SYMPK: variants seen among roughly 807,000 people sequenced by gnomAD.
SYMPK encodes the protein symplekin scaffold protein, also known as symplekin.
SYMPK carries 49 observed loss-of-function variants against 136.4 expected under a neutral mutation model. The observed-to-expected ratio is 0.36, with a 90% CI of 0.29 to 0.46. SYMPK has a LOEUF of 0.46. SYMPK is among the 20% of genes least tolerant of loss of function. SYMPK has a pLI of 1.00. For missense variants in SYMPK, 1,365 were observed against 1,690.0 expected (o/e 0.81, Z 3.37); for synonymous variants, 766 against 713.0 (o/e 1.07, Z -1.19).
At chr19:45,816,375 G>T in intron 25 of SYMPK, 107 bp downstream of exon 25, 1 of 1,422,168 alleles carries the variant, frequency 7.0e-7, no homozygotes, top group Non-Finnish European at 9.3e-7. Flanking sequence ...AGAGGCAGGG[G>T]TGGCCTGAGT....
chr19:45,816,096 C>T lies in SYMPK; in HGVS notation c.3442G>A (p.Ala1148Thr). ...TCCTCCTCCAGCTGCCGCTTTAAGGCCTTCTCCTGGGCCAGTCGCAGGCCG... is the reference window on the plus strand; with the variant it reads ...TCCTCCTCCAGCTGCCGCTTTAAGGTCTTCTCCTGGGCCAGTCGCAGGCCG... ...LIGLRLAQEK[A>T]LKRQLEEEQK... Residue 1148 changes from alanine to threonine, a missense_variant, in exon 26 of 27, where the codon GCC becomes ACC. Physicochemically the swap from Ala to Thr is moderately conservative, Grantham distance 58 (BLOSUM62 0). Around this residue, in one of 11 missense-constraint regions of SYMPK, gnomAD observed 341 missense variants for 270.5 expected, o/e 1.26. Coordinates refer to ENST00000245934, the MANE Select transcript of SYMPK (RefSeq NM_004819.3). The T allele has an allele frequency of 1.3e-6, 2 of 1,557,164 alleles. No homozygotes were observed. Among genetic ancestry groups the T allele is most frequent in the Middle Eastern group, 1.7e-4 (1 of 5,816 alleles).
chr19:45,817,743 T>C lies in SYMPK; in HGVS notation c.3081+216A>G, dbSNP rs575993250. On this transcript the variant is annotated intron_variant, in intron 23 of 26. Transcript: ENST00000245934. ...CTCCCGGGTGCACACCCCTTGAGGG[T>C]TACCACAGCTCCTACCACCCAGCTG... Among the ~76,000 whole-genome samples the C allele has an allele frequency of 7.2e-4, 110 of 152,248 alleles. No individual in the cohort carries two copies. In the Middle Eastern group the frequency reaches 0.01, roughly 14 times the overall value.
At chr19:45,852,846 A>G (rs1971729364) in intron 3 of SYMPK, among the ~76,000 whole-genome samples, 1 of 152,132 alleles carries the variant, frequency 6.6e-6, no homozygotes, top group Non-Finnish European at 1.5e-5. Context: ...GGGCTGAAAA[A>G]AAGAGGAAAG....
intron 22 of SYMPK, chr19:45,820,107 C>T (rs762700994): frequency 3.3e-5 from 5 of 152,236 alleles, no homozygotes; most frequent in African/African-American, 7.2e-5. Flanking sequence ...GTGTGGCCTC[C>T]GACAAGGCCC....
rs557511201 is a variant in SYMPK at position 45,843,870 on chromosome 19, G to A, written c.847+160C>T. On this transcript the variant is annotated intron_variant, in intron 8 of 26. Coordinates refer to ENST00000245934, the MANE Select transcript of SYMPK (RefSeq NM_004819.3). ...GAGGCAGGAGAATCACTTGAACTGG[G>A]GAGGCAGAGGTTGCAGTGAGCCAAG... Among the ~76,000 whole-genome samples, 3 of 149,562 alleles carry A rather than the reference G, an allele frequency of 2.0e-5. No homozygotes were observed. In the Admixed American group the frequency reaches 2.0e-4, roughly 10 times the overall value.
intron 7 of SYMPK, 151 bp from the exon 8 acceptor site, chr19:45,844,351 CTA>C: frequency 1.7e-6 from 1 of 577,246 alleles, no homozygotes; most frequent in Non-Finnish European, 2.9e-6. Context: ...TTGATTAGTT[CTA>C]TGAGACTATT....
intron 1 of SYMPK, among the ~76,000 whole-genome samples, chr19:45,859,544 G>A (rs865866434): frequency 2.0e-5 from 3 of 152,108 alleles, no homozygotes; most frequent in Admixed American, 6.5e-5. Flanking sequence ...ACGTTGCAGC[G>A]AGCCGAGATT....
Position 45,838,629 on chromosome 19 carries a change from A to G in SYMPK, c.1088-14T>C, listed in dbSNP as rs1416865206. 1 of 1,611,802 alleles carries G rather than the reference A, an allele frequency of 6.2e-7. No homozygotes were observed. The highest frequency in any genetic ancestry group is 8.5e-7 in the Non-Finnish European group (1 of 1,178,476). ...CCAGGTTGGGCTCTGGGATGAGGGA[A>G]AAGAACAAGATGCTGGCTATAGAGA... On this transcript the variant is annotated splice_polypyrimidine_tract_variant and intron_variant, in intron 9 of 26. Coordinates refer to ENST00000245934, the MANE Select transcript of SYMPK (RefSeq NM_004819.3).
chr19:45,838,873 G>A (rs1971369770), intron 9 of SYMPK, among the ~76,000 whole-genome samples: 1 of 152,152 alleles, frequency 6.6e-6, no homozygotes, highest in South Asian at 2.1e-4. Flanking sequence ...CTTATCATAA[G>A]CTCTAAGAAG....
At chr19:45,847,662 C>T in intron 7 of SYMPK, 90 bp downstream of exon 7, 1 of 1,496,326 alleles carries the variant, frequency 6.7e-7, no homozygotes, top group South Asian at 1.3e-5. Context: ...AATTTAAAAC[C>T]AAAAAAGACA....
At chr19:45,859,283 C>A (rs1362627888) in intron 1 of SYMPK, among the ~76,000 whole-genome samples, 3 of 143,376 alleles carry the variant, frequency 2.1e-5, no homozygotes, top group Non-Finnish European at 3.0e-5. Flanking sequence ...CACTACTGCA[C>A]TTGACAAGTC....
At chr19:45,845,985 C>A (rs1971550160) in intron 7 of SYMPK, among the ~76,000 whole-genome samples, 1 of 152,144 alleles carries the variant, frequency 6.6e-6, no homozygotes, top group South Asian at 2.1e-4. Flanking sequence ...GCCTGTAATC[C>A]CAGCACTTTG....
At chr19:45,862,281 T>A (rs1441653079) in intron 1 of SYMPK, among the ~76,000 whole-genome samples, 2 of 152,200 alleles carry the variant, frequency 1.3e-5, no homozygotes, top group African/African-American at 4.8e-5. Context: ...ATGAACAGTA[T>A]CACTGTTTCC....
intron 1 of SYMPK, among the ~76,000 whole-genome samples, chr19:45,858,929 T>C (rs1212647081): frequency 1.3e-5 from 2 of 151,704 alleles, no homozygotes; most frequent in Admixed American, 6.6e-5. Flanking sequence ...AGGACAGTGA[T>C]TTATTTATTT....
intron 10 of SYMPK, among the ~76,000 whole-genome samples, chr19:45,835,925 G>GAAAGAAAGAAAA (rs1971290656): frequency 6.6e-6 from 1 of 151,104 alleles, no homozygotes; most frequent in Non-Finnish European, 1.5e-5. Flanking sequence ...CATAAAGAAA[G>GAAAGAAAGAAAA]AAAGAAAGAA....
intron 9 of SYMPK, 44 bp downstream of exon 9, chr19:45,842,206 A>T: frequency 6.2e-7 from 1 of 1,610,786 alleles, no homozygotes; most frequent in Non-Finnish European, 8.5e-7. Context: ...ATAATGAAAC[A>T]TTTCAGCATG....
In SYMPK at chr19:45,848,730, G is replaced by T; in HGVS notation, c.426+20C>A. On this transcript the variant is annotated intron_variant, in intron 6 of 26. Transcript: ENST00000245934. ...AGACATATCAGGCAGGATGGCCCTG[G>T]GTGGGGAGGGCGCTCTCACCTGCAG... 1.2e-6 allele frequency: 2 copies of T among 1,612,964 alleles called. No homozygotes were observed. The highest frequency in any genetic ancestry group is 1.7e-6 in the Non-Finnish European group (2 of 1,179,944).
intron 3 of SYMPK, 99 bp downstream of exon 3, chr19:45,854,076 G>A: frequency 2.6e-6 from 3 of 1,142,924 alleles, no homozygotes; most frequent in East Asian, 2.3e-5. Context: ...CACACTGAGT[G>A]TGTAAATGTG....
At chr19:45,822,638 G>A in intron 21 of SYMPK, 118 bp downstream of exon 21, 1 of 761,696 alleles carries the variant, frequency 1.3e-6, no homozygotes, top group Non-Finnish European at 2.2e-6. Context: ...CAGTACAGCT[G>A]GTGTCCCAGG....
Sources: allele counts gnomAD v4.1 joint callset (sites outside exome capture counted in the v4.1 genomes callset), GRCh38; gene constraint gnomAD v4.1.1; regional missense constraint gnomAD v4.1.1; transcripts MANE v1.5; gene names NCBI Gene and HGNC (gene_info 2026-07-23, HGNC 2026-07-21).